Variants in NKAIN2 observed in about 807,000 individuals in gnomAD.
NKAIN2 encodes sodium/potassium transporting ATPase interacting 2, also known as sodium/potassium-transporting ATPase subunit beta-1-interacting protein 2.
In NKAIN2, 14 loss-of-function variants were observed where a neutral mutation model predicts 32.6. The observed-to-expected ratio is 0.43, with a 90% confidence interval of 0.28 to 0.67. The LOEUF (loss-of-function observed/expected upper bound fraction) is 0.67. NKAIN2 is among the 30% of genes least tolerant of loss of function. NKAIN2 has a pLI of 0.17. For missense variants in NKAIN2, 198 were observed against 258.3 expected, an observed-to-expected ratio of 0.77 and a Z score of 1.60; for synonymous variants, 80 against 87.2, an observed-to-expected ratio of 0.92 and a Z score of 0.46.
chr6:124,701,140 C>G (rs1774762523), intron 4 of NKAIN2, among the ~76,000 whole-genome samples: 2 of 121,172 alleles, frequency 1.7e-5, no homozygotes, highest in African/African-American at 6.8e-5. Context: ...GAGAGAGATA[C>G]ACACACACAC....
At chr6:124,741,531 A>G (rs1777211458) in intron 4 of NKAIN2, among the ~76,000 whole-genome samples, 1 of 151,878 alleles carries the variant, frequency 6.6e-6, no homozygotes, top group Non-Finnish European at 1.5e-5. Context: ...CTATCAAAAT[A>G]TGAGGGCCCT....
At chr6:124,620,192 T>C (rs1331875161) in intron 3 of NKAIN2, among the ~76,000 whole-genome samples, 1 of 152,186 alleles carries the variant, frequency 6.6e-6, no homozygotes, top group Non-Finnish European at 1.5e-5. Flanking sequence ...GCTTTTTAGA[T>C]AAGTATTACT....
chr6:124,775,030 C>A (rs1434465112), intron 4 of NKAIN2, among the ~76,000 whole-genome samples: 1 of 152,070 alleles, frequency 6.6e-6, no homozygotes, highest in Non-Finnish European at 1.5e-5. Context: ...AATTTCCTGA[C>A]CTCTAAACCA....
intron 1 of NKAIN2, among the ~76,000 whole-genome samples, chr6:123,888,757 C>A (rs1773856457): frequency 6.6e-6 from 1 of 152,122 alleles, no homozygotes; most frequent in Non-Finnish European, 1.5e-5. Flanking sequence ...TTATTCCTTT[C>A]AAATGACCTC....
intron 1 of NKAIN2, among the ~76,000 whole-genome samples, chr6:124,123,483 T>C (rs2114992701): frequency 6.6e-6 from 1 of 152,290 alleles, no homozygotes; most frequent in East Asian, 1.9e-4. Flanking sequence ...TTTTCCTTTT[T>C]CTGATATTAT....
At chr6:124,479,750 T>G (rs1001265093) in intron 3 of NKAIN2, among the ~76,000 whole-genome samples, 2 of 150,566 alleles carry the variant, frequency 1.3e-5, no homozygotes, top group Non-Finnish European at 2.9e-5. Flanking sequence ...ACTTGGGAGC[T>G]TATGGAAAAA....
intron 3 of NKAIN2, among the ~76,000 whole-genome samples, chr6:124,507,045 A>G (rs959789306): frequency 6.6e-6 from 1 of 152,230 alleles, no homozygotes; most frequent in African/African-American, 2.4e-5. Context: ...TCCCTCTCCT[A>G]TTAGAATACT....
intron 1 of NKAIN2, among the ~76,000 whole-genome samples, chr6:124,112,408 G>A (rs1162192301): frequency 6.6e-6 from 1 of 152,026 alleles, no homozygotes; most frequent in African/African-American, 2.4e-5. Context: ...TGCCCTACAT[G>A]GTTTCTGTTG....
At chr6:124,571,990 G>A (rs1225418974) in intron 3 of NKAIN2, among the ~76,000 whole-genome samples, 5 of 151,878 alleles carry the variant, frequency 3.3e-5, no homozygotes, top group African/African-American at 7.3e-5. Flanking sequence ...TTTGTCTCTA[G>A]CACTCTATTT....
At chr6:124,810,912 A>G (rs1483021716) in intron 5 of NKAIN2, among the ~76,000 whole-genome samples, 5 of 147,556 alleles carry the variant, frequency 3.4e-5, no homozygotes, top group Non-Finnish European at 5.9e-5. Flanking sequence ...CATTTTCCTT[A>G]TCAGGAAAAA....
chr6:124,768,361 G>T (rs915696362), intron 4 of NKAIN2, among the ~76,000 whole-genome samples: 2 of 152,240 alleles, frequency 1.3e-5, no homozygotes, highest in Admixed American at 6.5e-5. Context: ...GAAATATAAT[G>T]AATTTTTCCT....
At chr6:123,817,202 G>A (rs1773729210) in intron 1 of NKAIN2, among the ~76,000 whole-genome samples, 1 of 152,062 alleles carries the variant, frequency 6.6e-6, no homozygotes, top group Non-Finnish European at 1.5e-5. Context: ...TAGGCTTCAG[G>A]CAAAGCATTT....
chr6:124,468,285 G>A (rs982014535), intron 3 of NKAIN2, among the ~76,000 whole-genome samples: 25 of 152,100 alleles, frequency 1.6e-4, no homozygotes, highest in African/African-American at 5.6e-4. Flanking sequence ...CATAGCCCAG[G>A]TCCGTTAAAA....
intron 3 of NKAIN2, among the ~76,000 whole-genome samples, chr6:124,379,134 AGGG>A (rs1562141454): frequency 8.9e-5 from 4 of 45,096 alleles, no homozygotes; most frequent in Admixed American, 2.6e-4. Context: ...AGGGGAGGAG[AGGG>A]GAGGGGAGGG....
At chr6:124,543,184 A>G (rs1363153885) in intron 3 of NKAIN2, among the ~76,000 whole-genome samples, 2 of 152,188 alleles carry the variant, frequency 1.3e-5, no homozygotes, top group African/African-American at 4.8e-5. Flanking sequence ...ATGCCTACCA[A>G]CTGCTTAAAA....
intron 1 of NKAIN2, among the ~76,000 whole-genome samples, chr6:124,190,046 T>C (rs1300299460): frequency 6.6e-6 from 1 of 152,234 alleles, no homozygotes; most frequent in Non-Finnish European, 1.5e-5. Context: ...GTTCCAAAAC[T>C]ACCTGCACAT....
intron 1 of NKAIN2, among the ~76,000 whole-genome samples, chr6:123,874,022 T>C (rs2114296845): frequency 6.6e-6 from 1 of 152,320 alleles, no homozygotes; most frequent in East Asian, 1.9e-4. Flanking sequence ...CTGCTCCTTT[T>C]TAATTTCTTT....
chr6:124,519,122 T>A lies in NKAIN2; in HGVS notation c.274-139064T>A, dbSNP rs528683865. 3.9e-5 allele frequency among the ~76,000 whole-genome samples: 6 copies of A among 152,200 alleles called. No homozygotes were observed. The South Asian group carries it at 8.3e-4, about 21-fold the overall frequency. ...TGAAGTTAGATCACTACTTGTGAGA[T>A]CAGTTAGAAAAAATCAGGAAACTCG... On this transcript the variant is annotated intron_variant, in intron 3 of 6. Transcript: ENST00000368417.
intron 3 of NKAIN2, among the ~76,000 whole-genome samples, chr6:124,381,326 T>A (rs1480166033): frequency 2.6e-5 from 4 of 152,188 alleles, no homozygotes; most frequent in Non-Finnish European, 5.9e-5. Flanking sequence ...AATTTTTATA[T>A]CTATAAATAT....
Sources: gnomAD v4.1 joint callset for allele counts (sites outside exome capture counted in the v4.1 genomes callset) on GRCh38, gnomAD v4.1.1 for gene constraint, MANE v1.5 for transcripts, NCBI Gene and HGNC (gene_info 2026-07-23, HGNC 2026-07-21) for gene names.